The following OGFOD1 variants were observed in gnomAD, a reference collection of about 807,000 sequenced individuals.
The protein encoded by OGFOD1 is 2-oxoglutarate and iron dependent oxygenase domain containing 1.
A neutral mutation model predicts 67.7 loss-of-function variants in OGFOD1; 54 were observed. That is an observed-to-expected ratio of 0.80 (90% CI 0.64 to 1.00). The LOEUF is 1.00. Ranked by LOEUF, OGFOD1 falls within the 50% of genes least tolerant of loss-of-function variation. The probability of loss-of-function intolerance (pLI) is 0.00; values close to 1 mark genes in which losing one functional copy is unlikely to be tolerated. For missense variants in OGFOD1, 606 were observed against 646.7 expected (o/e 0.94, Z 0.68); for synonymous variants, 221 against 227.0 (o/e 0.97, Z 0.24).
In OGFOD1 at chr16:56,470,809, T is replaced by A. The variant is rs142122677; in HGVS notation, c.1285+18T>A. ...AAAGAAAGGTAAGCTGTTGTTAGGA[T>A]TTGTCCTTACTTACCATTAACCATT... On this transcript the variant is annotated intron_variant, in intron 10 of 12. Coordinates refer to ENST00000566157, the MANE Select transcript of OGFOD1 (RefSeq NM_018233.4). 4.0e-4 allele frequency: 623 copies of A among 1,555,736 alleles called. 8 individuals carry two copies. In the East Asian group the frequency reaches 0.014, roughly 35 times the overall value.
chr16:56,470,966 A>C (rs112357921), intron 10 of OGFOD1, among the ~76,000 whole-genome samples, 175 bp downstream of exon 10: 7 of 152,328 alleles, frequency 4.6e-5, no homozygotes, highest in South Asian at 2.1e-4. Context: ...TAGTAGAAGA[A>C]GACAGAGATT....
At chr16:56,466,806 G>C (rs1470891258) in intron 5 of OGFOD1, 70 bp from the exon 6 acceptor site, 2 of 1,180,562 alleles carry the variant, frequency 1.7e-6, no homozygotes, top group Non-Finnish European at 2.5e-6. Context: ...TTTGGAAATT[G>C]TCAAGAGTAA....
intron 1 of OGFOD1, 95 bp downstream of exon 1, chr16:56,451,861 C>T: frequency 1.4e-6 from 2 of 1,417,250 alleles, no homozygotes; most frequent in South Asian, 1.4e-5. Context: ...GCAGCGGGGC[C>T]GCAAGGGAAG....
intron 1 of OGFOD1, among the ~76,000 whole-genome samples, chr16:56,452,771 G>A (rs1476838498): frequency 6.6e-6 from 1 of 152,136 alleles, no homozygotes; most frequent in African/African-American, 2.4e-5. Context: ...GGTAAATGTT[G>A]GGGTAGAAAT....
At chr16:56,452,170 G>A (rs76180940) in intron 1 of OGFOD1, 7,058 of 170,066 alleles carry the variant, frequency 0.042, 180 homozygotes, top group East Asian at 0.12. Flanking sequence ...CGGTGAATGG[G>A]AGCGACACAC....
chr16:56,473,670 C>G (rs1963308671), intron 10 of OGFOD1, among the ~76,000 whole-genome samples: 1 of 151,226 alleles, frequency 6.6e-6, no homozygotes, highest in African/African-American at 2.4e-5. Context: ...ACTAATGGTG[C>G]GTGGTTGTAT....
At chr16:56,461,654 G>A (rs1355006316) in intron 3 of OGFOD1, among the ~76,000 whole-genome samples, 2 of 152,176 alleles carry the variant, frequency 1.3e-5, no homozygotes, top group African/African-American at 2.4e-5. Flanking sequence ...AGTCTCATGG[G>A]ACTAAGCCCT....
At chr16:56,467,100 T>C (rs750756283) in intron 6 of OGFOD1, 65 bp from the exon 7 acceptor site, 9 of 1,606,836 alleles carry the variant, frequency 5.6e-6, no homozygotes, top group Non-Finnish European at 7.7e-6. Context: ...ACCCTGAAAT[T>C]AATGTGCATT....
chr16:56,473,275 A>G (rs917362866), intron 10 of OGFOD1, among the ~76,000 whole-genome samples: 1 of 152,182 alleles, frequency 6.6e-6, no homozygotes, highest in African/African-American at 2.4e-5. Flanking sequence ...TTGCATTTCT[A>G]GAAGCTTTTA....
chr16:56,471,916 C>CT (rs1245032870), intron 10 of OGFOD1, among the ~76,000 whole-genome samples: 1 of 152,180 alleles, frequency 6.6e-6, no homozygotes, highest in Non-Finnish European at 1.5e-5. Context: ...TCCATGGAGT[C>CT]TGTCTCAAAG....
chr16:56,467,973 A>G lies in OGFOD1; in HGVS notation c.855A>G (p.Glu285=), dbSNP rs1307314464. The G allele has an allele frequency of 1.2e-6, 2 of 1,604,644 alleles. No individual in the cohort carries two copies. The change falls in exon 8 of 13, where the codon GAA becomes GAG. Residue 285 remains glutamate (E), a synonymous_variant. Transcript: ENST00000566157. ...LDMDYQVQIQ[E]EFEESSEILL... Reference sequence around the variant, plus strand: ...TGGATTACCAAGTTCAAATTCAAGAAGAGTTTGAAGAAAGTTCTGAAATTC... The same window carrying G: ...TGGATTACCAAGTTCAAATTCAAGAGGAGTTTGAAGAAAGTTCTGAAATTC...
At position 56,477,192 on chromosome 16, in the gene OGFOD1, G is replaced by A. The variant is rs1237905814; in HGVS notation, c.*987G>A. Reference sequence around the variant, plus strand: ...GAATTTTGTTCTTCTCATAATTTCTGGTTTAGAAAATTATGGAGCCTTACA... The same window carrying A: ...GAATTTTGTTCTTCTCATAATTTCTAGTTTAGAAAATTATGGAGCCTTACA... On this transcript the variant is annotated 3_prime_UTR_variant, in exon 13 of 13. Transcript: ENST00000566157. 1 of 152,068 alleles carries A rather than the reference G, an allele frequency of 6.6e-6. No individual in the cohort carries two copies. Among genetic ancestry groups the A allele is most frequent in the African/African-American group, 2.4e-5 (1 of 41,390 alleles). 9.4% of individuals were successfully genotyped at this position (152,068 alleles called of 1,614,324 possible).
At chr16:56,457,750 A>C (rs8049631) in intron 2 of OGFOD1, among the ~76,000 whole-genome samples, 1 of 151,690 alleles carries the variant, frequency 6.6e-6, no homozygotes, top group Non-Finnish European at 1.5e-5. Context: ...GCGAGATCTC[A>C]GCTCACTGCA....
chr16:56,462,134 C>T (rs1471006046), intron 3 of OGFOD1, among the ~76,000 whole-genome samples: 13 of 151,850 alleles, frequency 8.6e-5, no homozygotes, highest in Middle Eastern at 3.4e-3. Context: ...AACAGTTGAG[C>T]TTTCCATTTT....
chr16:56,462,775 A>G (rs1962756001), intron 4 of OGFOD1, 141 bp downstream of exon 4: 1 of 591,578 alleles, frequency 1.7e-6, no homozygotes, highest in Non-Finnish European at 3.0e-6. Flanking sequence ...GACCCAGTTC[A>G]TAGACAGAAA....
chr16:56,474,061 A>G (rs1596989986), intron 10 of OGFOD1, among the ~76,000 whole-genome samples: 1 of 152,210 alleles, frequency 6.6e-6, no homozygotes, highest in East Asian at 1.9e-4. Context: ...TGCCTGCCTC[A>G]GAGGAGTACT....
At chr16:56,468,854 T>G (rs1963020731) in intron 8 of OGFOD1, among the ~76,000 whole-genome samples, 1 of 152,240 alleles carries the variant, frequency 6.6e-6, no homozygotes, top group South Asian at 2.1e-4. Context: ...GATTCATACC[T>G]GCCTTGTCTT....
rs1596961018 is a variant in OGFOD1, at chr16:56,451,662, A to G, written c.50A>G (p.Lys17Arg). 1 of 1,613,874 alleles carries G rather than the reference A, an allele frequency of 6.2e-7. No homozygotes were observed. The highest frequency in any genetic ancestry group is 1.3e-5 in the African/African-American group (1 of 74,914). ...AEPGPARVGK[K>R]GKKEVMAEFS... ...CCCGGCCCAGCCCGGGTGGGAAAAA[A>G]GGGAAAGAAGGAGGTGATGGCGGAG... Residue 17 changes from lysine to arginine, a missense_variant, in exon 1 of 13, where the codon AAG becomes AGG. Coordinates refer to ENST00000566157, the MANE Select transcript of OGFOD1 (RefSeq NM_018233.4).
chr16:56,475,353 T>C (rs1256717950), intron 11 of OGFOD1, among the ~76,000 whole-genome samples, 154 bp from the exon 12 acceptor site: 1 of 152,194 alleles, frequency 6.6e-6, no homozygotes, highest in East Asian at 1.9e-4. Flanking sequence ...CATGATAAAC[T>C]AGATGATAAG....
Sources: gnomAD v4.1 joint callset for allele counts (sites outside exome capture counted in the v4.1 genomes callset) on GRCh38, gnomAD v4.1.1 for gene constraint, MANE v1.5 for transcripts, NCBI Gene and HGNC (gene_info 2026-07-23, HGNC 2026-07-21) for gene names.